Variants in MCHR2 observed in about 807,000 individuals in gnomAD.
MCHR2 encodes melanin-concentrating hormone receptor 2.
Under a neutral mutation model 24.8 loss-of-function variants are expected in MCHR2, and 15 were observed. That is an observed-to-expected ratio of 0.60 (90% CI 0.40 to 0.93). The LOEUF is 0.93. Ranked by LOEUF, MCHR2 falls within the 40% of genes least tolerant of loss-of-function variation. The pLI is 0.00. For missense variants in MCHR2, 386 were observed against 408.7 expected (o/e 0.94, Z 0.48); for synonymous variants, 151 against 147.6 (o/e 1.02, Z -0.17).
intron 1 of MCHR2, among the ~76,000 whole-genome samples, chr6:99,960,168 AGAGTGG>A (rs1775153339): frequency 6.6e-6 from 1 of 151,938 alleles, no homozygotes; most frequent in African/African-American, 2.4e-5. Context: ...AAGCCAGGAG[AGAGTGG>A]GATGATATAG....
At chr6:99,964,812 G>T (rs376858374) in intron 1 of MCHR2, among the ~76,000 whole-genome samples, 159 of 152,168 alleles carry the variant, frequency 1.0e-3, no homozygotes, top group Middle Eastern at 0.01. Flanking sequence ...ATACTATATA[G>T]CACTGGATGG....
intron 5 of MCHR2, among the ~76,000 whole-genome samples, chr6:99,931,640 C>T (rs545557480): frequency 6.6e-5 from 10 of 152,270 alleles, no homozygotes; most frequent in African/African-American, 2.2e-4. Flanking sequence ...ACCCCCTGAG[C>T]CATGTGCAGG....
chr6:99,967,577 C>A (rs1009631350), intron 1 of MCHR2, among the ~76,000 whole-genome samples: 1 of 152,064 alleles, frequency 6.6e-6, no homozygotes, highest in East Asian at 1.9e-4. Context: ...GGTAAGCCAG[C>A]TTTTGGCTGC....
At chr6:99,933,947 T>C (rs1226168064) in intron 5 of MCHR2, among the ~76,000 whole-genome samples, 4 of 152,002 alleles carry the variant, frequency 2.6e-5, no homozygotes, top group Non-Finnish European at 5.9e-5. Context: ...TCCTGATTAA[T>C]CTTTTAATAT....
intron 4 of MCHR2, among the ~76,000 whole-genome samples, chr6:99,936,301 A>G (rs1162004694): frequency 2.0e-5 from 3 of 151,552 alleles, no homozygotes; most frequent in Admixed American, 1.3e-4. Flanking sequence ...GCATTTCCCT[A>G]TGTTTTCTTC....
intron 1 of MCHR2, among the ~76,000 whole-genome samples, chr6:99,965,942 A>G (rs796363349): frequency 3.9e-5 from 6 of 152,202 alleles, no homozygotes; most frequent in African/African-American, 1.4e-4. Flanking sequence ...ATTTGGGAGT[A>G]TAATCAATTT....
chr6:99,981,339 G>A (rs73760576), intron 1 of MCHR2, among the ~76,000 whole-genome samples: 2,530 of 152,262 alleles, frequency 0.017, 62 homozygotes, highest in African/African-American at 0.058. Flanking sequence ...TGGGGTAAGC[G>A]TTTCAAGCAC....
intron 1 of MCHR2, among the ~76,000 whole-genome samples, chr6:99,969,097 T>C (rs552859694): frequency 2.0e-5 from 3 of 152,254 alleles, no homozygotes; most frequent in South Asian, 2.1e-4. Context: ...TACTGTCTCC[T>C]TTTTATAATT....
chr6:99,921,662 A>G (rs1416376135), intron 5 of MCHR2, among the ~76,000 whole-genome samples: 2 of 152,136 alleles, frequency 1.3e-5, no homozygotes, highest in East Asian at 1.9e-4. Flanking sequence ...TTAAAAGTAC[A>G]ATTATTATTG....
chr6:99,919,713 G>GT lies in MCHR2; in HGVS notation c.*1226dup, dbSNP rs1554192559. Among the ~76,000 whole-genome samples, 133 of 137,430 alleles carry GT rather than the reference G, an allele frequency of 9.7e-4. No individual in the cohort carries two copies. The highest frequency in any genetic ancestry group is 7.6e-3 in the East Asian group (36 of 4,710). The allele number at this position is 137,430 out of a possible 152,430, so 90.2% of individuals were successfully genotyped here. A position where few individuals can be genotyped will look rare whatever the true frequency, so the allele number is the denominator to read the frequency against. ...CTGTAACCAAAAGGGAATGTTTCTT[G>GT]TTTTTTTTTTTGTTTGTTTTGTTTT... On this transcript the variant is annotated 3_prime_UTR_variant, in exon 6 of 6. Transcript: ENST00000281806.
At chr6:99,977,847 C>A (rs1036576669) in intron 1 of MCHR2, among the ~76,000 whole-genome samples, 17 of 152,164 alleles carry the variant, frequency 1.1e-4, no homozygotes, top group African/African-American at 4.1e-4. Context: ...CTACTGCTAG[C>A]TAATTCAACC....
intron 5 of MCHR2, among the ~76,000 whole-genome samples, chr6:99,932,131 T>C (rs1774557652): frequency 6.6e-6 from 1 of 152,186 alleles, no homozygotes; most frequent in Non-Finnish European, 1.5e-5. Flanking sequence ...TTTTGCTGGA[T>C]ATACTATTCT....
At chr6:99,949,023 T>C (rs553276476) in intron 2 of MCHR2, among the ~76,000 whole-genome samples, 4 of 152,264 alleles carry the variant, frequency 2.6e-5, no homozygotes, top group African/African-American at 9.6e-5. Flanking sequence ...AGTGGCCTTC[T>C]CATCAGCAGG....
chr6:99,981,923 T>C (rs893633296), intron 1 of MCHR2, among the ~76,000 whole-genome samples: 1 of 152,166 alleles, frequency 6.6e-6, no homozygotes, highest in Non-Finnish European at 1.5e-5. Flanking sequence ...CCAAAACTGC[T>C]AGCGACTGTA....
chr6:99,949,917 A>AC (rs1330662950), intron 2 of MCHR2, among the ~76,000 whole-genome samples: 1 of 12,548 alleles, frequency 8.0e-5, no homozygotes, highest in Non-Finnish European at 2.3e-4. Flanking sequence ...AGAGCTCCAA[A>AC]CTAAAAAAAA....
At chr6:99,930,289 A>T (rs1774486442) in intron 5 of MCHR2, among the ~76,000 whole-genome samples, 1 of 151,846 alleles carries the variant, frequency 6.6e-6, no homozygotes, top group South Asian at 2.1e-4. Flanking sequence ...CTTCATTTCA[A>T]CTTTGGTGAA....
intron 1 of MCHR2, among the ~76,000 whole-genome samples, chr6:99,978,963 G>A (rs999117764): frequency 3.3e-5 from 5 of 152,142 alleles, no homozygotes; most frequent in African/African-American, 1.2e-4. Flanking sequence ...TAGGCAAAGG[G>A]AATAAGCAGG....
intron 5 of MCHR2, among the ~76,000 whole-genome samples, chr6:99,927,853 G>T (rs1582368965): frequency 1.3e-5 from 2 of 151,972 alleles, no homozygotes; most frequent in African/African-American, 2.4e-5. Flanking sequence ...AATTGCCCTG[G>T]CCAGAACTTC....
chr6:99,928,720 TTC>T (rs1486787746), intron 5 of MCHR2, among the ~76,000 whole-genome samples: 1 of 152,226 alleles, frequency 6.6e-6, no homozygotes, highest in African/African-American at 2.4e-5. Flanking sequence ...TATTTGATTC[TTC>T]TCTCTTTTCT....
Sources: allele counts gnomAD v4.1 joint callset (sites outside exome capture counted in the v4.1 genomes callset), GRCh38; gene constraint gnomAD v4.1.1; transcripts MANE v1.5; gene names NCBI Gene and HGNC (gene_info 2026-07-23, HGNC 2026-07-21).